Variants in JAKMIP1 observed in about 807,000 individuals in gnomAD.
JAKMIP1 encodes janus kinase and microtubule interacting protein 1.
A neutral mutation model predicts 113.0 loss-of-function variants in JAKMIP1; 33 were observed. That is an observed-to-expected ratio of 0.29 (90% CI 0.22 to 0.39). The LOEUF (loss-of-function observed/expected upper bound fraction) is 0.39. Ranked by LOEUF, JAKMIP1 falls within the 10% of genes least tolerant of loss-of-function variation. JAKMIP1 has a pLI of 1.00. For synonymous variants in JAKMIP1, 480 were observed against 459.9 expected, an observed-to-expected ratio of 1.04 and a Z score of -0.56; for missense variants, 813 against 1,080.5, an observed-to-expected ratio of 0.75 and a Z score of 3.47.
At position 6,168,887 on chromosome 4, in the gene JAKMIP1, T is replaced by TG. The variant is rs1200688781; in HGVS notation, c.-148+31365dup. On this transcript the variant is annotated intron_variant, in intron 1 of 20. Transcript: ENST00000409021. This position sits in a 1 kb window ranked among gnomAD's most constrained non-coding sequence, Gnocchi z 4.6. ...CTGCACTCCAGCCTAGGTGACAGAG[T>TG]GAGAGCCTGTCTCAAAAAATAAAAA... Among the ~76,000 whole-genome samples the TG allele has an allele frequency of 6.6e-6, 1 of 150,798 alleles. No homozygotes were observed. Among genetic ancestry groups the TG allele is most frequent in the Non-Finnish European group, 1.5e-5 (1 of 67,828 alleles).
rs1229606253 is a variant in JAKMIP1 at position 6,056,831 on chromosome 4, G to C, written c.1645-72C>G. ...TGGTCAAGTAACAAACTTTTAGTGA[G>C]AAAGGTCACTTTCTATGAAACTGAC... On this transcript the variant is annotated intron_variant, in intron 11 of 20. Coordinates refer to ENST00000409021, the MANE Select transcript of JAKMIP1 (RefSeq NM_001099433.2). The C allele has an allele frequency of 5.5e-5, 56 of 1,020,472 alleles. No homozygotes were observed. In the Admixed American group the frequency reaches 9.3e-4, roughly 17 times the overall value. The allele number at this position is 1,020,472 out of a possible 1,614,324, so 63.2% of individuals were successfully genotyped here.
In JAKMIP1 at chr4:6,150,458, AG is replaced by A. The variant is rs1721431608; in HGVS notation, c.-147-37462del. On this transcript the variant is annotated intron_variant, in intron 1 of 20. Transcript: ENST00000409021. This position sits in a 1 kb window ranked among gnomAD's most constrained non-coding sequence, Gnocchi z 4.8. ...ACGGTTCATCCACCTCTACGTCCCCAGGGCCCTGTCCGGGGCCTGACACAGC... is the reference window on the plus strand; with the variant it reads ...ACGGTTCATCCACCTCTACGTCCCCAGGCCCTGTCCGGGGCCTGACACAGC... The A allele has an allele frequency of 6.6e-6, 1 of 152,272 alleles. No individual in the cohort carries two copies. Among genetic ancestry groups the A allele is most frequent in the Non-Finnish European group, 1.5e-5 (1 of 68,116 alleles). The allele number at this position is 152,272 out of a possible 1,614,324, so 9.4% of individuals were successfully genotyped here.
At position 6,060,487 on chromosome 4, in the gene JAKMIP1, A is replaced by G; in HGVS notation, c.1581T>C (p.Ala527=). The G allele has an allele frequency of 1.9e-6, 3 of 1,614,030 alleles. No homozygotes were observed. Among genetic ancestry groups the G allele is most frequent in the Non-Finnish European group, 2.5e-6 (3 of 1,179,892 alleles). Residue 527 remains alanine, a synonymous_variant, in exon 11 of 21, where the codon GCT becomes GCC. Coordinates refer to ENST00000409021, the MANE Select transcript of JAKMIP1 (RefSeq NM_001099433.2). ...REARTREQLQ[A]DLLRCQAKIE... ...TTTTGGCCTGACACCTCAGCAGATC[A>G]GCTTGTAGCTGCTCCCGAGTCTGGA...
rs1310264708 is a variant in JAKMIP1 at position 6,040,072 on chromosome 4, G to A, written c.2175+567C>T. Among the ~76,000 whole-genome samples, 2 of 152,202 alleles carry A rather than the reference G, an allele frequency of 1.3e-5. No homozygotes were observed. The highest frequency in any genetic ancestry group is 4.8e-5 in the African/African-American group (2 of 41,454). ...TACTCAACTCCCCTCCACCCCGAAGGAGAATTTCTCTCGTGCCAGGAGCAC... is the reference window on the plus strand; with the variant it reads ...TACTCAACTCCCCTCCACCCCGAAGAAGAATTTCTCTCGTGCCAGGAGCAC... On this transcript the variant is annotated intron_variant, in intron 18 of 20. Transcript: ENST00000409021. This position sits in a 1 kb window ranked among gnomAD's most constrained non-coding sequence, Gnocchi z 5.8.
In JAKMIP1 at chr4:6,061,120, G is replaced by T. The variant is rs774763328; in HGVS notation, c.1561-613C>A. Among the ~76,000 whole-genome samples, 5 of 152,242 alleles carry T rather than the reference G, an allele frequency of 3.3e-5. No homozygotes were observed. Among genetic ancestry groups the T allele is most frequent in the Non-Finnish European group, 7.3e-5 (5 of 68,042 alleles). ...ACCCAGCAGCAGCCACAAGAAATGG[G>T]ACGCCTGTTGCTGCCAGATGTTCTG... On this transcript the variant is annotated intron_variant, in intron 10 of 20. Coordinates refer to ENST00000409021, the MANE Select transcript of JAKMIP1 (RefSeq NM_001099433.2). The surrounding 1 kb of genome is among the most constrained non-coding windows in gnomAD (Gnocchi z 5.3).
At chr4:6,160,798 C>T (rs1182055473) in intron 1 of JAKMIP1, among the ~76,000 whole-genome samples, 5 of 152,100 alleles carry the variant, frequency 3.3e-5, no homozygotes, top group East Asian at 1.9e-4. Context: ...CTTCAGCTCC[C>T]GCACCTCCAC....
Position 6,134,443 on chromosome 4 carries a change from TC to T in JAKMIP1, c.-147-21447del, listed in dbSNP as rs532258310. Among the ~76,000 whole-genome samples the T allele has an allele frequency of 2.7e-3, 417 of 152,240 alleles. 5 individuals carry two copies. The highest frequency in any genetic ancestry group is 9.6e-3 in the African/African-American group (397 of 41,518). ...TGATGCTCTCTTCTTGAAATGCCCCTCCCCGTCTTTTCCACCTGTTCATCTT... is the reference window on the plus strand; with the variant it reads ...TGATGCTCTCTTCTTGAAATGCCCCTCCCGTCTTTTCCACCTGTTCATCTT... On this transcript the variant is annotated intron_variant, in intron 1 of 20. Coordinates refer to ENST00000409021, the MANE Select transcript of JAKMIP1 (RefSeq NM_001099433.2).
intron 4 of JAKMIP1, 75 bp from the exon 5 acceptor site, chr4:6,085,040 A>G: frequency 6.8e-7 from 1 of 1,476,050 alleles, no homozygotes; most frequent in Non-Finnish European, 9.0e-7. Context: ...GAGCCTTCTT[A>G]GAAAATTCAC....
rs767961881 is a variant in JAKMIP1 at position 6,056,724 on chromosome 4, G to A, written c.1680C>T (p.Ile560=). 4.0e-5 allele frequency: 64 copies of A among 1,613,564 alleles called. No homozygotes were observed. The South Asian group carries it at 6.1e-4, about 16-fold the overall frequency. ...SKWVEEKQLL[I]RTNQDLLEKI... ...TTTCCAGCAAGTCTTGGTTTGTTCTGATGAGCAGCTGCTTCTCTTCAACCC... is the reference window on the plus strand; with the variant it reads ...TTTCCAGCAAGTCTTGGTTTGTTCTAATGAGCAGCTGCTTCTCTTCAACCC... Residue 560 remains isoleucine (I), a synonymous_variant, in exon 12 of 21, where the codon ATC becomes ATT. Coordinates refer to ENST00000409021, the MANE Select transcript of JAKMIP1 (RefSeq NM_001099433.2).
At chr4:6,052,899 TG>T (rs1715845282) in intron 13 of JAKMIP1, among the ~76,000 whole-genome samples, 1 of 152,140 alleles carries the variant, frequency 6.6e-6, no homozygotes, top group Non-Finnish European at 1.5e-5. Flanking sequence ...GAGTCACTCT[TG>T]GTGTGAGAAA....
intron 1 of JAKMIP1, among the ~76,000 whole-genome samples, chr4:6,125,125 G>A (rs1717223991): frequency 6.6e-6 from 1 of 152,176 alleles, no homozygotes; most frequent in Admixed American, 6.5e-5. Context: ...GGAGGTCAGG[G>A]AGGGGGATGT....
chr4:6,089,573 G>A lies in JAKMIP1; in HGVS notation c.625-3944C>T, dbSNP rs1345408784. Among the ~76,000 whole-genome samples the A allele has an allele frequency of 6.6e-6, 1 of 152,132 alleles. No individual in the cohort carries two copies. The highest frequency in any genetic ancestry group is 1.5e-5 in the Non-Finnish European group (1 of 68,026). On this transcript the variant is annotated intron_variant, in intron 3 of 20. Coordinates refer to ENST00000409021, the MANE Select transcript of JAKMIP1 (RefSeq NM_001099433.2). The surrounding 1 kb of genome is among the most constrained non-coding windows in gnomAD (Gnocchi z 5.3). ...CAGAACCATGACTCAAGTGCAGATTGTACTCTCCAAGCCCTCCCTGTCCCC... is the reference window on the plus strand; with the variant it reads ...CAGAACCATGACTCAAGTGCAGATTATACTCTCCAAGCCCTCCCTGTCCCC...
chr4:6,027,500 G>T (rs1381323981), intron 20 of JAKMIP1, among the ~76,000 whole-genome samples: 2 of 152,184 alleles, frequency 1.3e-5, no homozygotes, highest in African/African-American at 4.8e-5. Flanking sequence ...GGACCAAGGG[G>T]CCAGGGATAG....
intron 1 of JAKMIP1, among the ~76,000 whole-genome samples, chr4:6,131,707 G>A (rs915290545): frequency 3.9e-5 from 6 of 152,234 alleles, no homozygotes; most frequent in Admixed American, 3.9e-4. Flanking sequence ...TCCAGCCTGG[G>A]CGACAGAGTG....
chr4:6,099,692 A>G (rs1202596061), intron 3 of JAKMIP1, among the ~76,000 whole-genome samples: 1 of 152,230 alleles, frequency 6.6e-6, no homozygotes, highest in Non-Finnish European at 1.5e-5. Context: ...AGAGAACTAA[A>G]TTCCTATCTG....
At chr4:6,096,522 T>A (rs2108853017) in intron 3 of JAKMIP1, among the ~76,000 whole-genome samples, 1 of 152,350 alleles carries the variant, frequency 6.6e-6, no homozygotes, top group Non-Finnish European at 1.5e-5. Context: ...AAACTGGGGG[T>A]AAAATAATAT....
At chr4:6,172,518 G>C (rs1397034583) in intron 1 of JAKMIP1, among the ~76,000 whole-genome samples, 1 of 151,700 alleles carries the variant, frequency 6.6e-6, no homozygotes, top group East Asian at 2.0e-4. Context: ...CTGGGGAGGA[G>C]AGAGGACACG....
chr4:6,114,238 C>G (rs1365580497), intron 1 of JAKMIP1, among the ~76,000 whole-genome samples: 1 of 152,104 alleles, frequency 6.6e-6, no homozygotes, highest in South Asian at 2.1e-4. Context: ...ACAAAATTGG[C>G]AAGGAAGGCC....
chr4:6,170,366 TCTATCACCA>T (rs1724331012), intron 1 of JAKMIP1, among the ~76,000 whole-genome samples: 1 of 7,780 alleles, frequency 1.3e-4, no homozygotes, highest in African/African-American at 5.7e-4. Context: ...CACCACCACC[TCTATCACCA>T]CCATCACCAC....
Sources: gnomAD v4.1 joint callset for allele counts (sites outside exome capture counted in the v4.1 genomes callset) on GRCh38, gnomAD v4.1.1 for gene constraint, Gnocchi (gnomAD v3.1) non-coding constraint, MANE v1.5 for transcripts, NCBI Gene and HGNC (gene_info 2026-07-23, HGNC 2026-07-21) for gene names.